Variants in KLHDC4 observed in about 807,000 individuals in gnomAD.
KLHDC4 encodes kelch domain containing 4, also known as kelch domain-containing protein 4.
Under a neutral mutation model 62.4 loss-of-function variants are expected in KLHDC4, and 90 were observed. That is an observed-to-expected ratio of 1.44 (90% confidence interval 1.22 to 1.72). KLHDC4 has a LOEUF of 1.72. Among genes scored for constraint, KLHDC4 ranks in the 40% most tolerant of loss-of-function variants. The pLI is 0.00. For missense variants in KLHDC4, 1,025 were observed against 699.7 expected, an observed-to-expected ratio of 1.47 and a Z score of -5.25; for synonymous variants, 386 against 284.4, an observed-to-expected ratio of 1.36 and a Z score of -3.59.
At chr16:87,745,350 G>T (rs758070351) in intron 5 of KLHDC4, among the ~76,000 whole-genome samples, 1 of 151,786 alleles carries the variant, frequency 6.6e-6, no homozygotes, top group Non-Finnish European at 1.5e-5. Flanking sequence ...CACTGCTCTC[G>T]CAGCACCCGC....
Position 87,751,276 on chromosome 16 carries a change from C to T in KLHDC4, c.370-2467G>A, listed in dbSNP as rs542772316. Among the ~76,000 whole-genome samples the T allele has an allele frequency of 1.2e-4, 19 of 152,204 alleles. 1 individual carries two copies. The South Asian group carries it at 3.9e-3, about 32-fold the overall frequency. On this transcript the variant is annotated intron_variant, in intron 4 of 11. Transcript: ENST00000270583. ...AGATCATGAGGTCAGGAGTTTGAGACCAGCCTGACCAACATGGTGAAACCC... is the reference window on the plus strand; with the variant it reads ...AGATCATGAGGTCAGGAGTTTGAGATCAGCCTGACCAACATGGTGAAACCC...
chr16:87,747,890 T>G (rs2043274773), intron 5 of KLHDC4, among the ~76,000 whole-genome samples: 2 of 152,210 alleles, frequency 1.3e-5, no homozygotes, highest in South Asian at 2.1e-4. Context: ...AAGGCCTGTG[T>G]GCGGCGGCCT....
intron 6 of KLHDC4, 142 bp from the exon 7 acceptor site, chr16:87,727,066 C>A: frequency 2.4e-6 from 2 of 826,244 alleles, no homozygotes; most frequent in Non-Finnish European, 3.7e-6. Flanking sequence ...GCTCTTACAC[C>A]AACACAACAA....
At chr16:87,722,970 G>A (rs1445076450) in intron 7 of KLHDC4, among the ~76,000 whole-genome samples, 1 of 152,232 alleles carries the variant, frequency 6.6e-6, no homozygotes, top group Non-Finnish European at 1.5e-5. Context: ...AGAGAGGCGT[G>A]TGCCCACAGT....
At chr16:87,728,338 G>T (rs553910493) in intron 6 of KLHDC4, among the ~76,000 whole-genome samples, 1 of 152,112 alleles carries the variant, frequency 6.6e-6, no homozygotes, top group Non-Finnish European at 1.5e-5. Context: ...ACAGACCACT[G>T]TTTTTTTCAG....
exon 1 of KLHDC4, chr16:87,701,514 C>G: frequency 2.7e-6 from 1 of 365,292 alleles, no homozygotes; most frequent in African/African-American, 2.1e-5. Flanking sequence ...AGCAAGCAGC[C>G]CCGTGACGGG....
Position 87,708,358 on chromosome 16 carries a change from T to C in KLHDC4, c.1556A>G (p.Glu519Gly), listed in dbSNP as rs1335877299. Residue 519 changes from glutamate to glycine, a missense_variant, in exon 11 of 12, where the codon GAG becomes GGG. Physicochemically the swap from Glu to Gly is moderately conservative, Grantham distance 98 (BLOSUM62 -2). Coordinates refer to ENST00000270583, the MANE Select transcript of KLHDC4 (RefSeq NM_017566.4). The stretch of plus-strand genomic sequence containing the variant: ...AGCCCGAGCCCGCTCACCTCAGTCC[T>C]CCGCACCGCTCTCCTCTCCGCTGTC... ...DEDSGEESGA[E>G]D 1 of 1,603,264 alleles carries C rather than the reference T, an allele frequency of 6.2e-7. No individual in the cohort carries two copies. The highest frequency in any genetic ancestry group is 8.5e-7 in the Non-Finnish European group (1 of 1,175,092).
intron 5 of KLHDC4, among the ~76,000 whole-genome samples, chr16:87,745,817 G>T (rs544436249): frequency 6.6e-6 from 1 of 152,304 alleles, no homozygotes; most frequent in South Asian, 2.1e-4. Flanking sequence ...ACGGACATCA[G>T]CTGTCAAAGA....
At chr16:87,741,384 G>T (rs760747182) in intron 5 of KLHDC4, among the ~76,000 whole-genome samples, 5 of 152,200 alleles carry the variant, frequency 3.3e-5, no homozygotes, top group Non-Finnish European at 7.3e-5. Context: ...ATCAAAGGCT[G>T]AGCCCCACCT....
intron 5 of KLHDC4, chr16:87,743,043 C>T (rs79769009): frequency 1.3e-5 from 2 of 152,514 alleles, no homozygotes; most frequent in South Asian, 2.1e-4. Context: ...CCGGCACCAA[C>T]TGGAGGCTTT....
At chr16:87,734,995 CTG>C (rs1261127882) in intron 5 of KLHDC4, among the ~76,000 whole-genome samples, 11 of 140,030 alleles carry the variant, frequency 7.9e-5, no homozygotes, top group South Asian at 2.4e-4. Context: ...GACGAATTGC[CTG>C]ACGCCCCTCC....
chr16:87,751,403 G>C (rs986215866), intron 4 of KLHDC4, among the ~76,000 whole-genome samples: 2 of 151,796 alleles, frequency 1.3e-5, no homozygotes, highest in African/African-American at 4.8e-5. Context: ...GAGCCTGGGA[G>C]GCAGAAGTTG....
Position 87,714,592 on chromosome 16 carries a change from G to C in KLHDC4, c.760-19C>G, listed in dbSNP as rs2081981. The C allele has an allele frequency of 0.67, 1,084,719 of 1,612,266 alleles. 369,238 individuals are homozygous for C. Among genetic ancestry groups the C allele is most frequent in the Non-Finnish European group, 0.7 (830,364 of 1,178,538 alleles). On this transcript the variant is annotated intron_variant, in intron 7 of 11. Coordinates refer to ENST00000270583, the MANE Select transcript of KLHDC4 (RefSeq NM_017566.4). ...TAACTCTCTGCAATGGAAAGGAATT[G>C]TGTGAGAACCGGGGGCAGCTACAGT...
At chr16:87,700,035 T>C in exon 1 of KLHDC4, 1 of 152,588 alleles carries the variant, frequency 6.6e-6, no homozygotes, top group Non-Finnish European at 1.5e-5. Context: ...GAAGAGACCC[T>C]GAGGCCTGTG....
At chr16:87,745,342 C>T (rs558804310) in intron 5 of KLHDC4, among the ~76,000 whole-genome samples, 6 of 152,284 alleles carry the variant, frequency 3.9e-5, no homozygotes, top group African/African-American at 1.4e-4. Flanking sequence ...CTACCCAGCA[C>T]TGCTCTCGCA....
intron 5 of KLHDC4, among the ~76,000 whole-genome samples, chr16:87,738,684 T>C (rs2041778549): frequency 8.5e-6 from 1 of 117,202 alleles, no homozygotes; most frequent in African/African-American, 3.3e-5. Flanking sequence ...CACCAGCACC[T>C]CATCCATCCA....
chr16:87,730,496 A>G (rs111818938), intron 6 of KLHDC4, 56 bp downstream of exon 6: 1 of 1,383,520 alleles, frequency 7.2e-7, no homozygotes, highest in Non-Finnish European at 1.0e-6. Context: ...CTTTCTATAA[A>G]AAGCCCACTC....
At chr16:87,728,611 T>C (rs1369137067) in intron 6 of KLHDC4, among the ~76,000 whole-genome samples, 1 of 152,188 alleles carries the variant, frequency 6.6e-6, no homozygotes, top group Non-Finnish European at 1.5e-5. Context: ...GTCCTACACA[T>C]AGTAGGTAAT....
In KLHDC4 at chr16:87,755,221, A is replaced by G; in HGVS notation, c.342T>C (p.Ser114=). The G allele has an allele frequency of 6.2e-7, 1 of 1,611,376 alleles. No individual in the cohort carries two copies. The highest frequency in any genetic ancestry group is 8.5e-7 in the Non-Finnish European group (1 of 1,177,592). The change falls in exon 4 of 12, where the codon AGT becomes AGC. Residue 114 remains serine (S), a synonymous_variant. Coordinates refer to ENST00000270583, the MANE Select transcript of KLHDC4 (RefSeq NM_017566.4). ...GGTGAGCACAGCGCCTCGGAGGTGG[A>G]CTGGGGATGTCAACTTTGGTCCAGG... ...KDTWTKVDIP[S]PPPRRCAHQA...
Sources: gnomAD v4.1 joint callset for allele counts (sites outside exome capture counted in the v4.1 genomes callset) on GRCh38, gnomAD v4.1.1 for gene constraint, MANE v1.5 for transcripts, NCBI Gene and HGNC (gene_info 2026-07-23, HGNC 2026-07-21) for gene names.